COL4A5: variants seen among roughly 807,000 people sequenced by gnomAD.
The protein encoded by COL4A5 is collagen alpha-5(IV) chain.
In COL4A5, 26 loss-of-function variants were observed where a neutral mutation model predicts 130.2. The ratio of observed to expected loss-of-function variants is 0.20; its 90% CI spans 0.15 to 0.28. The LOEUF is 0.28. Ranked by LOEUF, COL4A5 falls within the 10% of genes least tolerant of loss-of-function variation. The pLI is 1.00. For synonymous variants in COL4A5, 496 were observed against 439.6 expected (o/e 1.13, Z -1.60); for missense variants, 1,131 against 1,344.3 (o/e 0.84, Z 2.48).
At chrX:108,673,349 T>C (rs1217211246) in intron 42 of COL4A5, among the ~76,000 whole-genome samples, 1 of 112,016 alleles carries the variant, frequency 8.9e-6, no homozygotes, top group Non-Finnish European at 1.9e-5. Context: ...CTAGGATTCA[T>C]TGCTCTAGCA....
intron 1 of COL4A5, among the ~76,000 whole-genome samples, chrX:108,529,869 C>T (rs1029200041): frequency 9.1e-6 from 1 of 110,459 alleles, no homozygotes; most frequent in African/African-American, 3.3e-5. Flanking sequence ...ACGACAACTC[C>T]AAATATATAT....
chrX:108,639,679 A>G (rs777071794), intron 36 of COL4A5, among the ~76,000 whole-genome samples: 23 of 111,965 alleles, frequency 2.1e-4, no homozygotes, highest in African/African-American at 6.5e-4. Flanking sequence ...AACTCCTACA[A>G]GTCAATAACA....
At chrX:108,583,096 C>G (rs1307017634) in intron 17 of COL4A5, among the ~76,000 whole-genome samples, 159 bp downstream of exon 17, 2 of 111,964 alleles carry the variant, frequency 1.8e-5, no homozygotes, top group South Asian at 3.7e-4. Context: ...TTCTTTTATA[C>G]CACACTTGCT....
At chrX:108,636,882 C>T (rs754813900) in intron 36 of COL4A5, among the ~76,000 whole-genome samples, 63 of 108,897 alleles carry the variant, frequency 5.8e-4, no homozygotes, top group Non-Finnish European at 8.4e-4. Flanking sequence ...TTAAACAAGA[C>T]GCTCTTAACC....
intron 1 of COL4A5, among the ~76,000 whole-genome samples, chrX:108,506,378 AT>A (rs1333775135): frequency 1.7e-4 from 18 of 108,566 alleles, no homozygotes; most frequent in Admixed American, 7.9e-4. Context: ...CTATCTATCT[AT>A]CTATCTATCT....
chrX:108,508,610 A>G (rs1300398388), intron 1 of COL4A5, among the ~76,000 whole-genome samples: 1 of 108,367 alleles, frequency 9.2e-6, no homozygotes, highest in Non-Finnish European at 1.9e-5. Context: ...TAGCCAAGGT[A>G]ATCCTAAGCA....
Position 108,591,173 on chromosome X carries a change from G to A in COL4A5, c.1281G>A (p.Gln427=), listed in dbSNP as rs2066427313. ...CTGGACCTCCTGGACTTGACGGACA[G>A]CCTGGGGCTCCTGGGCTTCCAGGGC... The part of the protein sequence containing the change: ...SIPGPPGLDG[Q]PGAPGLPGPP... The change falls in exon 20 of 53, where the codon CAG becomes CAA. Residue 427 remains glutamine, a synonymous_variant. Coordinates refer to ENST00000328300, the MANE Select transcript of COL4A5 (RefSeq NM_033380.3). 2 of 1,209,024 alleles carry A rather than the reference G, an allele frequency of 1.7e-6. No individual in the cohort carries two copies. Among genetic ancestry groups the A allele is most frequent in the South Asian group, 1.8e-5 (1 of 56,832 alleles).
intron 1 of COL4A5, among the ~76,000 whole-genome samples, chrX:108,470,079 G>A (rs2064749977): frequency 1.8e-5 from 2 of 112,074 alleles, no homozygotes; most frequent in Admixed American, 9.5e-5. Flanking sequence ...TATTGTGAAT[G>A]GTACTGCAGT....
chrX:108,601,271 A>C (rs894988023), intron 25 of COL4A5, 122 bp from the exon 26 acceptor site: 7 of 498,371 alleles, frequency 1.4e-5, no homozygotes, highest in Admixed American at 3.4e-5. Context: ...TTTTCTTGTG[A>C]ATTTTTGTTA....
chrX:108,459,980 A>T (rs1403078056), intron 1 of COL4A5, among the ~76,000 whole-genome samples: 2 of 112,099 alleles, frequency 1.8e-5, no homozygotes, highest in Non-Finnish European at 3.8e-5. Flanking sequence ...AAAAAAATAT[A>T]ATTTGGTTTA....
At chrX:108,663,756 G>T (rs1488501598) in intron 37 of COL4A5, among the ~76,000 whole-genome samples, 1 of 108,897 alleles carries the variant, frequency 9.2e-6, no homozygotes, top group Non-Finnish European at 1.9e-5. Flanking sequence ...AAAAAAAAAA[G>T]ATGCCAGTTG....
intron 1 of COL4A5, among the ~76,000 whole-genome samples, chrX:108,473,712 A>C (rs1712806942): frequency 1.0e-5 from 1 of 96,855 alleles, no homozygotes; most frequent in Admixed American, 1.2e-4. Flanking sequence ...GTTCACTGCA[A>C]CCTCTGCCTC....
chrX:108,598,426 T>C (rs1261469605), intron 24 of COL4A5, among the ~76,000 whole-genome samples: 1 of 111,808 alleles, frequency 8.9e-6, no homozygotes, highest in Non-Finnish European at 1.9e-5. Flanking sequence ...CTTTCTGACT[T>C]ACACTAAAAT....
chrX:108,553,420 T>C (rs774407299), intron 2 of COL4A5, among the ~76,000 whole-genome samples: 12 of 111,786 alleles, frequency 1.1e-4, no homozygotes, highest in Middle Eastern at 4.6e-3. Flanking sequence ...TAAAATTTAA[T>C]TATAAACAAA....
intron 42 of COL4A5, among the ~76,000 whole-genome samples, chrX:108,673,438 C>T (rs1399925584): frequency 2.7e-5 from 3 of 111,245 alleles, no homozygotes; most frequent in Non-Finnish European, 5.7e-5. Flanking sequence ...TGTTTTTAGT[C>T]AATTAACACT....
intron 37 of COL4A5, among the ~76,000 whole-genome samples, chrX:108,657,228 G>C (rs923356683): frequency 1.2e-4 from 13 of 108,634 alleles, no homozygotes; most frequent in African/African-American, 4.3e-4. Context: ...TTATCCAATT[G>C]CTCCCTACAC....
At chrX:108,637,346 A>G (rs2067373681) in intron 36 of COL4A5, among the ~76,000 whole-genome samples, 1 of 111,703 alleles carries the variant, frequency 9.0e-6, no homozygotes, top group South Asian at 3.7e-4. Flanking sequence ...ACATTAGAGA[A>G]GAAACATCTC....
intron 2 of COL4A5, among the ~76,000 whole-genome samples, chrX:108,545,133 T>C (rs1212674159): frequency 8.9e-6 from 1 of 111,979 alleles, no homozygotes; most frequent in Non-Finnish European, 1.9e-5. Flanking sequence ...ATCTTAGTTA[T>C]TTCTTGCCTT....
At chrX:108,609,605 T>A (rs992785150) in intron 29 of COL4A5, among the ~76,000 whole-genome samples, 2 of 111,832 alleles carry the variant, frequency 1.8e-5, no homozygotes, top group African/African-American at 6.5e-5. Context: ...TTTATCAATT[T>A]TTTCTTATAT....
Sources: gnomAD v4.1 joint callset for allele counts (sites outside exome capture counted in the v4.1 genomes callset) on GRCh38, gnomAD v4.1.1 for gene constraint, MANE v1.5 for transcripts, NCBI Gene and HGNC (gene_info 2026-07-23, HGNC 2026-07-21) for gene names.